The following ARFGAP1 variants were observed in gnomAD, a reference collection of about 807,000 sequenced individuals.
ARFGAP1 encodes ARF GTPase activating protein 1, also known as ADP-ribosylation factor GTPase-activating protein 1.
ARFGAP1 carries 26 observed loss-of-function variants against 54.0 expected under a neutral mutation model. The ratio of observed to expected loss-of-function variants is 0.48; its 90% CI spans 0.35 to 0.67. ARFGAP1 has a LOEUF of 0.67. Among genes scored for constraint, ARFGAP1 ranks in the 30% least tolerant of loss-of-function variants. The pLI, the probability that ARFGAP1 is intolerant of heterozygous loss-of-function variation, is 0.00. For synonymous variants in ARFGAP1, 248 were observed against 211.9 expected (o/e 1.17, Z -1.48); for missense variants, 525 against 535.8 (o/e 0.98, Z 0.20).
intron 9 of ARFGAP1, 113 bp downstream of exon 9, chr20:63,282,964 G>A: frequency 8.4e-7 from 1 of 1,183,448 alleles, no homozygotes; most frequent in South Asian, 1.2e-5. Flanking sequence ...CATGCTCAGA[G>A]CTGAGGGGTC....
intron 9 of ARFGAP1, 137 bp from the exon 10 acceptor site, chr20:63,284,729 C>A: frequency 1.3e-6 from 2 of 1,499,434 alleles, no homozygotes; most frequent in South Asian, 1.3e-5. Flanking sequence ...CCGTTTCCTG[C>A]TCCCTGCGCT....
At chr20:63,278,285 G>T in intron 6 of ARFGAP1, 82 bp downstream of exon 6, 3 of 1,441,538 alleles carry the variant, frequency 2.1e-6, no homozygotes, top group Non-Finnish European at 2.9e-6. Flanking sequence ...CTTCCCTTGG[G>T]GCCTCCCATG....
intron 6 of ARFGAP1, chr20:63,278,557 A>G: frequency 2.2e-6 from 1 of 459,622 alleles, no homozygotes; most frequent in Non-Finnish European, 3.9e-6. Flanking sequence ...AACACTTAGA[A>G]GAAAAGCATA....
At position 63,286,415 on chromosome 20, in the gene ARFGAP1, C is replaced by T. The variant is rs200768802; in HGVS notation, c.884C>T (p.Ser295Leu). 2.2e-5 allele frequency: 36 copies of T among 1,613,444 alleles called. No individual in the cohort carries two copies. The South Asian group carries it at 2.6e-4, about 12-fold the overall frequency. Residue 295 changes from serine to leucine, a missense_variant, in exon 12 of 13, where the codon TCG becomes TTG. Ser to Leu is a moderately radical substitution (Grantham distance 145). Coordinates refer to ENST00000370283, the MANE Select transcript of ARFGAP1 (RefSeq NM_018209.4). Reference sequence around the variant, plus strand: ...TGGCGGGACGTCACCACCTTTTTTTCGGGGAAAGCAGAGGGCCCCTTGGAC... The same window carrying T: ...TGGCGGGACGTCACCACCTTTTTTTTGGGGAAAGCAGAGGGCCCCTTGGAC... The part of the protein sequence containing the change: ...KGWRDVTTFF[S>L]GKAEGPLDSP...
chr20:63,276,025 C>A lies in ARFGAP1; in HGVS notation c.61-66C>A, dbSNP rs963118089. The A allele has an allele frequency of 7.4e-6, 11 of 1,477,668 alleles. No individual in the cohort carries two copies. The highest frequency in any genetic ancestry group is 9.4e-6 in the Non-Finnish European group (10 of 1,059,184). 91.5% of individuals were successfully genotyped at this position (1,477,668 alleles called of 1,614,324 possible). A position where few individuals can be genotyped will look rare whatever the true frequency, so the allele number is the denominator to read the frequency against. ...GCATTCGCTCCTTGAGGCCACCTGT[C>A]GGGTCTTTGGGGTCCCTGGGCTCTG... is the stretch of plus-strand genomic sequence containing the variant. On this transcript the variant is annotated intron_variant, in intron 2 of 12. Transcript: ENST00000370283. This position sits in a 1 kb window ranked among gnomAD's most constrained non-coding sequence, Gnocchi z 5.2.
At chr20:63,282,429 T>G (rs1438901988) in intron 8 of ARFGAP1, among the ~76,000 whole-genome samples, 2 of 152,232 alleles carry the variant, frequency 1.3e-5, no homozygotes, top group African/African-American at 4.8e-5. Flanking sequence ...GCAGGGTAGA[T>G]GGGGCTGGGG....
At position 63,276,578 on chromosome 20, in the gene ARFGAP1, A is replaced by G. The variant is rs2067242291; in HGVS notation, c.269A>G (p.Gln90Arg). The change falls in exon 4 of 13, where the codon CAG (glutamine) becomes CGG (arginine). Residue 90 changes from glutamine (Q) to arginine (R), a missense_variant. Gln to Arg is a conservative substitution (Grantham distance 43). Coordinates refer to ENST00000370283, the MANE Select transcript of ARFGAP1 (RefSeq NM_018209.4). This position sits in a 1 kb window ranked among gnomAD's most constrained non-coding sequence, Gnocchi z 5.2. ...AAGTTCCGAGAGTTCCTGGAGTCTC[A>G]GGAGGATTACGATCCTTGCTGGTCC... ...NAKFREFLES[Q>R]EDYDPCWSLQ... is the part of the protein sequence containing the mutation. 6 of 1,614,050 alleles carry G rather than the reference A, an allele frequency of 3.7e-6. No individual in the cohort carries two copies. The highest frequency in any genetic ancestry group is 1.3e-5 in the African/African-American group (1 of 75,050).
rs542543461 is a variant in ARFGAP1, at chr20:63,288,872, C to T, written c.*999C>T. The T allele has an allele frequency of 5.8e-5, 16 of 274,734 alleles. No homozygotes were observed. The highest frequency in any genetic ancestry group is 1.7e-4 in the African/African-American group (8 of 46,118). 17.0% of individuals were successfully genotyped at this position (274,734 alleles called of 1,614,324 possible). ...CCTCAGTCTTGGCCAGCCATGCATG[C>T]GCCCGAAGCTCGTGCAGTTTGTACG... On this transcript the variant is annotated 3_prime_UTR_variant, in exon 13 of 13. Coordinates refer to ENST00000370283, the MANE Select transcript of ARFGAP1 (RefSeq NM_018209.4).
At chr20:63,286,113 C>T in intron 11 of ARFGAP1, 1 of 1,550,248 alleles carries the variant, frequency 6.5e-7, no homozygotes, top group East Asian at 2.4e-5. Flanking sequence ...CTCCTCCCCC[C>T]CAAGCATGTG....
chr20:63,276,014 A>C lies in ARFGAP1; in HGVS notation c.61-77A>C. On this transcript the variant is annotated intron_variant, in intron 2 of 12. Transcript: ENST00000370283. This position sits in a 1 kb window ranked among gnomAD's most constrained non-coding sequence, Gnocchi z 5.2. ...GGCAGCCCTCTGCATTCGCTCCTTG[A>C]GGCCACCTGTCGGGTCTTTGGGGTC... 1 of 1,391,732 alleles carries C rather than the reference A, an allele frequency of 7.2e-7. No individual in the cohort carries two copies. The highest frequency in any genetic ancestry group is 1.7e-5 in the Admixed American group (1 of 59,580). The allele number at this position is 1,391,732 out of a possible 1,614,324, so 86.2% of individuals were successfully genotyped here.
At position 63,289,465 on chromosome 20, in the gene ARFGAP1, C is replaced by T. The variant is rs2067655112; in HGVS notation, c.*1592C>T. 1 of 152,326 alleles carries T rather than the reference C, an allele frequency of 6.6e-6. No individual in the cohort carries two copies. Among genetic ancestry groups the T allele is most frequent in the South Asian group, 2.1e-4 (1 of 4,834 alleles). 9.4% of individuals were successfully genotyped at this position (152,326 alleles called of 1,614,324 possible). ...TGTTCCACATGTGCCTGTTTCCACG[C>T]CAGCACCTTGACTTGGCAGCATGGA... is the stretch of plus-strand genomic sequence containing the variant. On this transcript the variant is annotated 3_prime_UTR_variant, in exon 13 of 13. Coordinates refer to ENST00000370283, the MANE Select transcript of ARFGAP1 (RefSeq NM_018209.4).
chr20:63,284,020 T>C, intron 9 of ARFGAP1: 5 of 1,482,762 alleles, frequency 3.4e-6, no homozygotes, highest in Non-Finnish European at 4.5e-6. Context: ...CTGGCCTCGG[T>C]CCGTGGCTCT....
intron 9 of ARFGAP1, chr20:63,283,627 C>T (rs1434312245): frequency 8.3e-6 from 4 of 480,020 alleles, no homozygotes; most frequent in Non-Finnish European, 1.5e-5. Context: ...CTGGCTTTTT[C>T]GTGGGCCTCC....
At position 63,288,341 on chromosome 20, in the gene ARFGAP1, G is replaced by A. The variant is rs1406321367; in HGVS notation, c.*468G>A. On this transcript the variant is annotated 3_prime_UTR_variant, in exon 13 of 13. Coordinates refer to ENST00000370283, the MANE Select transcript of ARFGAP1 (RefSeq NM_018209.4). The stretch of plus-strand genomic sequence containing the variant: ...CTTTTTGAAGAGAGTGACTGGAGTG[G>A]TAAAGATGGAAATGCTGGAAATGAT... 6 of 458,884 alleles carry A rather than the reference G, an allele frequency of 1.3e-5. No homozygotes were observed. Among genetic ancestry groups the A allele is most frequent in the African/African-American group, 6.0e-5 (3 of 50,218 alleles). 28.4% of individuals were successfully genotyped at this position (458,884 alleles called of 1,614,324 possible).
chr20:63,280,291 C>T (rs541179161), intron 7 of ARFGAP1, among the ~76,000 whole-genome samples: 31 of 152,172 alleles, frequency 2.0e-4, no homozygotes, highest in African/African-American at 7.0e-4. Flanking sequence ...GTTTTTGTTT[C>T]TTTTGGAGAC....
chr20:63,280,563 G>A (rs1483154168), intron 7 of ARFGAP1, among the ~76,000 whole-genome samples: 1 of 152,288 alleles, frequency 6.6e-6, no homozygotes, highest in Non-Finnish European at 1.5e-5. Context: ...CCCCAAGTGT[G>A]TGGAGCTTCC....
rs898392596 is a variant in ARFGAP1 at position 63,288,785 on chromosome 20, C to G, written c.*912C>G. ...GCCCGCCACATGCCAACCCTCACCT[C>G]CCCGAGGACTGGATGATGTGCTGCC... On this transcript the variant is annotated 3_prime_UTR_variant, in exon 13 of 13. Coordinates refer to ENST00000370283, the MANE Select transcript of ARFGAP1 (RefSeq NM_018209.4). The G allele has an allele frequency of 2.9e-6, 1 of 339,998 alleles. No homozygotes were observed. Among genetic ancestry groups the G allele is most frequent in the Non-Finnish European group, 5.9e-6 (1 of 170,714 alleles). 21.1% of individuals were successfully genotyped at this position (339,998 alleles called of 1,614,324 possible).
At chr20:63,280,466 C>T (rs1201334208) in intron 7 of ARFGAP1, among the ~76,000 whole-genome samples, 1 of 152,182 alleles carries the variant, frequency 6.6e-6, no homozygotes, top group African/African-American at 2.4e-5. Flanking sequence ...CCAGAAAGGG[C>T]TTTTTAATAA....
chr20:63,285,903 G>T (rs548453468), intron 11 of ARFGAP1, 190 bp downstream of exon 11: 1 of 1,446,574 alleles, frequency 6.9e-7, no homozygotes, highest in Non-Finnish European at 9.3e-7. Context: ...GGCCCACTGC[G>T]GCCCGGTCAG....
Sources: allele counts gnomAD v4.1 joint callset (sites outside exome capture counted in the v4.1 genomes callset), GRCh38; gene constraint gnomAD v4.1.1; non-coding constraint Gnocchi (gnomAD v3.1); transcripts MANE v1.5; gene names NCBI Gene and HGNC (gene_info 2026-07-23, HGNC 2026-07-21).